Variants in SMC3 observed in about 807,000 individuals in gnomAD.
SMC3 encodes structural maintenance of chromosomes protein 3.
SMC3 carries 20 observed loss-of-function variants against 171.8 expected under a neutral mutation model. That is an observed-to-expected ratio of 0.12 (90% confidence interval 0.08 to 0.17). The LOEUF is 0.17. SMC3 is among the 10% of genes least tolerant of loss of function. The pLI, the probability that SMC3 is intolerant of heterozygous loss-of-function variation, is 1.00. For missense variants in SMC3, 543 were observed against 1,420.4 expected, an observed-to-expected ratio of 0.38 and a Z score of 9.93; for synonymous variants, 464 against 451.1, an observed-to-expected ratio of 1.03 and a Z score of -0.36.
Position 110,584,330 on chromosome 10 carries a change from T to A in SMC3, c.1239T>A (p.Ile413=), listed in dbSNP as rs780910701. The change falls in exon 13 of 29, where the codon ATT becomes ATA. Residue 413 remains isoleucine (I), a synonymous_variant. Transcript: ENST00000361804. ...CTATTAATGACAAGAAAAGACAGAT[T>A]GCTGCTATACATAAGGATTTGGAAG... The part of the protein sequence containing the change: ...DQAINDKKRQ[I]AAIHKDLEDT... The A allele has an allele frequency of 6.2e-7, 1 of 1,614,042 alleles. No individual in the cohort carries two copies. Among genetic ancestry groups the A allele is most frequent in the Admixed American group, 1.7e-5 (1 of 60,018 alleles).
At chr10:110,569,509 G>C (rs1388125760) in intron 2 of SMC3, among the ~76,000 whole-genome samples, 1 of 152,160 alleles carries the variant, frequency 6.6e-6, no homozygotes, top group Non-Finnish European at 1.5e-5. Flanking sequence ...GGGAGGGATA[G>C]CATTAGGAGA....
intron 2 of SMC3, among the ~76,000 whole-genome samples, chr10:110,572,574 G>T (rs1002799034): frequency 2.6e-5 from 4 of 152,150 alleles, no homozygotes; most frequent in African/African-American, 7.2e-5. Context: ...TCTTATTGAT[G>T]ATATTACTTT....
intron 13 of SMC3, among the ~76,000 whole-genome samples, chr10:110,589,246 AAAC>A (rs929260803): frequency 3.9e-5 from 6 of 152,254 alleles, no homozygotes; most frequent in African/African-American, 1.2e-4. Flanking sequence ...AAAACAAAAA[AAAC>A]AAACTGAAAT....
intron 18 of SMC3, 75 bp from the exon 19 acceptor site, chr10:110,596,323 A>C (rs1564794177): frequency 2.2e-6 from 3 of 1,355,088 alleles, no homozygotes; most frequent in Admixed American, 4.4e-5. Flanking sequence ...CCTGTAGGTT[A>C]GTTTTTTTGT....
intron 9 of SMC3, 136 bp from the exon 10 acceptor site, chr10:110,582,426 A>G: frequency 2.8e-6 from 2 of 712,948 alleles, no homozygotes; most frequent in Non-Finnish European, 4.7e-6. Flanking sequence ...CTAGTTTAAA[A>G]TCATTTTTAA....
chr10:110,605,491 C>T lies in SMC3; in HGVS notation c.*1189C>T, dbSNP rs1861454233. On this transcript the variant is annotated 3_prime_UTR_variant, in exon 29 of 29. Transcript: ENST00000361804. ...CTGCAGGAGAATTTGTTAGGAGCTA[C>T]TCTTCCATCATTGGAAACCAGAAAT... Among the ~76,000 whole-genome samples the T allele has an allele frequency of 2.0e-5, 3 of 152,172 alleles. No homozygotes were observed. Among genetic ancestry groups the T allele is most frequent in the Admixed American group, 6.5e-5 (1 of 15,274 alleles).
intron 8 of SMC3, among the ~76,000 whole-genome samples, chr10:110,581,521 C>A (rs1861029812): frequency 6.6e-6 from 1 of 152,100 alleles, no homozygotes; most frequent in Non-Finnish European, 1.5e-5. Context: ...CTGGCCGGCA[C>A]ACTGACTTTT....
chr10:110,601,504 TA>T, intron 23 of SMC3, 132 bp from the exon 24 acceptor site: 1 of 937,276 alleles, frequency 1.1e-6, no homozygotes, highest in Non-Finnish European at 1.6e-6. Context: ...ACATGGTTCA[TA>T]AATTTTCACA....
intron 6 of SMC3, 44 bp from the exon 7 acceptor site, chr10:110,578,584 T>C (rs1388131625): frequency 1.4e-6 from 2 of 1,448,544 alleles, no homozygotes; most frequent in Non-Finnish European, 1.9e-6. Context: ...TTAATGGTGC[T>C]TTAAAATTAT....
At position 110,580,848 on chromosome 10, in the gene SMC3, C is replaced by A. The variant is rs964804876; in HGVS notation, c.430-56C>A. 7 of 937,376 alleles carry A rather than the reference C, an allele frequency of 7.5e-6. No homozygotes were observed. In the Admixed American group the frequency reaches 1.0e-4, roughly 14 times the overall value. 58.1% of individuals were successfully genotyped at this position (937,376 alleles called of 1,614,324 possible). A position where few individuals can be genotyped will look rare whatever the true frequency, so the allele number is the denominator to read the frequency against. On this transcript the variant is annotated intron_variant, in intron 7 of 28. Transcript: ENST00000361804. ...ATTAAAAACCTTTCAACGTGGAGTT[C>A]TTCTTCTTAAACGGAGGCTACAGCT...
Position 110,590,523 on chromosome 10 carries a change from G to C in SMC3, c.1621G>C (p.Glu541Gln), listed in dbSNP as rs1861190174. Residue 541 changes from glutamate to glutamine, a missense_variant, in exon 16 of 29, where the codon GAA becomes CAA. Glu to Gln is a conservative substitution (Grantham distance 29, BLOSUM62 2). This residue lies in a region of SMC3 where 218 missense variants were observed against 509.6 expected (regional missense o/e 0.43). Coordinates refer to ENST00000361804, the MANE Select transcript of SMC3 (RefSeq NM_005445.4). The stretch of plus-strand genomic sequence containing the variant: ...TCATGGTATTGTAATGAATAACTTT[G>C]AATGTGAACCAGCTTTCTACACATG... ...GYHGIVMNNF[E>Q]CEPAFYTCVE... The C allele has an allele frequency of 5.0e-6, 8 of 1,614,098 alleles. No individual in the cohort carries two copies. The highest frequency in any genetic ancestry group is 6.8e-6 in the Non-Finnish European group (8 of 1,179,956).
chr10:110,601,217 C>T, intron 23 of SMC3, 87 bp downstream of exon 23: 1 of 949,166 alleles, frequency 1.1e-6, no homozygotes, highest in Non-Finnish European at 1.7e-6. Flanking sequence ...TAGGCAGAAG[C>T]ATATGCTAAT....
intron 2 of SMC3, among the ~76,000 whole-genome samples, chr10:110,569,801 A>G (rs777377371): frequency 9.2e-5 from 14 of 152,238 alleles, no homozygotes; most frequent in Non-Finnish European, 2.1e-4. Context: ...GCCATTAACA[A>G]TATGTAGTCA....
intron 2 of SMC3, among the ~76,000 whole-genome samples, chr10:110,571,386 T>C (rs1860869650): frequency 6.6e-6 from 1 of 152,218 alleles, no homozygotes; most frequent in Non-Finnish European, 1.5e-5. Flanking sequence ...TCACAGACTT[T>C]GTGGACCCAC....
intron 3 of SMC3, among the ~76,000 whole-genome samples, chr10:110,574,381 TAGAC>T (rs1310360790): frequency 1.3e-5 from 2 of 152,208 alleles, no homozygotes; most frequent in Non-Finnish European, 2.9e-5. Flanking sequence ...TTAACAAAAT[TAGAC>T]AGTTAAGGAG....
At chr10:110,600,598 C>CTATT (rs1475163789) in intron 22 of SMC3, 52 bp downstream of exon 22, 11 of 899,950 alleles carry the variant, frequency 1.2e-5, no homozygotes, top group Admixed American at 1.8e-5. Flanking sequence ...TGGCCATGAC[C>CTATT]TATTGCAAGT....
chr10:110,575,756 G>A (rs777030070), intron 4 of SMC3, among the ~76,000 whole-genome samples: 1 of 152,182 alleles, frequency 6.6e-6, no homozygotes, highest in Admixed American at 6.5e-5. Context: ...TTTATGTGAT[G>A]GTTAGGAGAA....
chr10:110,568,438 A>C, intron 1 of SMC3: 1 of 169,830 alleles, frequency 5.9e-6, no homozygotes, highest in Non-Finnish European at 1.3e-5. Context: ...GCGGGACTCC[A>C]CCACAAAGAT....
intron 19 of SMC3, 68 bp from the exon 20 acceptor site, chr10:110,598,071 G>A (rs1460562419): frequency 7.0e-7 from 1 of 1,419,452 alleles, no homozygotes; most frequent in Non-Finnish European, 9.9e-7. Context: ...ATGGTGTTGT[G>A]TCTAAAAAGA....
Sources: allele counts gnomAD v4.1 joint callset (sites outside exome capture counted in the v4.1 genomes callset), GRCh38; gene constraint gnomAD v4.1.1; regional missense constraint gnomAD v4.1.1; transcripts MANE v1.5; gene names NCBI Gene and HGNC (gene_info 2026-07-23, HGNC 2026-07-21).